The following AP3B1 variants were observed in gnomAD, a reference collection of about 807,000 sequenced individuals.
The protein encoded by AP3B1 is adaptor related protein complex 3 subunit beta 1, also known as AP-3 complex subunit beta-1.
A neutral mutation model predicts 132.5 loss-of-function variants in AP3B1; 61 were observed. The observed-to-expected ratio is 0.46, with a 90% confidence interval of 0.37 to 0.57. AP3B1 has a LOEUF of 0.57. AP3B1 is among the 20% of genes least tolerant of loss of function. AP3B1 has a pLI of 0.00. For missense variants in AP3B1, 1,120 were observed against 1,289.4 expected, an observed-to-expected ratio of 0.87 and a Z score of 2.01; for synonymous variants, 388 against 438.3, an observed-to-expected ratio of 0.89 and a Z score of 1.43.
At chr5:78,219,916 A>T (rs1007120115) in intron 6 of AP3B1, among the ~76,000 whole-genome samples, 5 of 152,160 alleles carry the variant, frequency 3.3e-5, no homozygotes, top group Non-Finnish European at 7.4e-5. Flanking sequence ...CGTAATAATG[A>T]TCCCAAAAAA....
At chr5:78,032,498 C>A (rs913635499) in intron 24 of AP3B1, among the ~76,000 whole-genome samples, 3 of 152,070 alleles carry the variant, frequency 2.0e-5, no homozygotes, top group Admixed American at 2.0e-4. Flanking sequence ...CATCTAAGAC[C>A]AATTGATCTA....
chr5:78,074,768 G>C (rs967355162), intron 22 of AP3B1, among the ~76,000 whole-genome samples: 1 of 152,160 alleles, frequency 6.6e-6, no homozygotes, highest in African/African-American at 2.4e-5. Flanking sequence ...GACCAACATG[G>C]AGAAACCCCA....
At chr5:78,207,777 A>G (rs1745571463) in intron 7 of AP3B1, among the ~76,000 whole-genome samples, 1 of 152,182 alleles carries the variant, frequency 6.6e-6, no homozygotes, top group African/African-American at 2.4e-5. Context: ...CTTCACAGCA[A>G]AATTCATTGC....
chr5:78,026,756 A>C (rs1276158847), intron 24 of AP3B1, among the ~76,000 whole-genome samples: 1 of 152,208 alleles, frequency 6.6e-6, no homozygotes, highest in Non-Finnish European at 1.5e-5. Flanking sequence ...AACAGCATAC[A>C]AGAGTACATG....
At chr5:78,080,023 T>C (rs1218914598) in intron 22 of AP3B1, among the ~76,000 whole-genome samples, 1 of 152,212 alleles carries the variant, frequency 6.6e-6, no homozygotes, top group Non-Finnish European at 1.5e-5. Flanking sequence ...TATTTATTTA[T>C]TTATTTGACA....
chr5:78,206,632 G>A (rs2112460951), intron 7 of AP3B1, among the ~76,000 whole-genome samples: 1 of 151,980 alleles, frequency 6.6e-6, no homozygotes. Context: ...CAATCAAACA[G>A]AAGTTCAAAG....
chr5:78,013,742 T>C (rs976199716), intron 26 of AP3B1, among the ~76,000 whole-genome samples: 6 of 152,262 alleles, frequency 3.9e-5, no homozygotes, highest in African/African-American at 1.4e-4. Flanking sequence ...TTGTTACTCT[T>C]TTCCCTATTG....
At chr5:78,022,312 G>A (rs963874435) in intron 24 of AP3B1, among the ~76,000 whole-genome samples, 1 of 152,124 alleles carries the variant, frequency 6.6e-6, no homozygotes, top group Non-Finnish European at 1.5e-5. Flanking sequence ...ATAATGGAAT[G>A]GCAGGCACTA....
intron 26 of AP3B1, among the ~76,000 whole-genome samples, chr5:78,013,440 A>G (rs1364782946): frequency 2.0e-5 from 3 of 152,220 alleles, no homozygotes; most frequent in African/African-American, 7.2e-5. Flanking sequence ...ACCTATACAC[A>G]AAACAAAACT....
At chr5:78,280,335 G>A (rs1453803633) in intron 1 of AP3B1, among the ~76,000 whole-genome samples, 1 of 152,086 alleles carries the variant, frequency 6.6e-6, no homozygotes, top group Non-Finnish European at 1.5e-5. Context: ...TATTTTCACT[G>A]ACATTACTTT....
At chr5:78,043,713 G>T in intron 22 of AP3B1, 1 of 419,938 alleles carries the variant, frequency 2.4e-6, no homozygotes, top group South Asian at 2.1e-5. Context: ...TGTGCTTTGT[G>T]ATCACAACTA....
chr5:78,075,558 C>G (rs962882905), intron 22 of AP3B1, among the ~76,000 whole-genome samples: 2 of 152,208 alleles, frequency 1.3e-5, no homozygotes, highest in Non-Finnish European at 2.9e-5. Flanking sequence ...TAGCAAAAAT[C>G]CGTAAGACTA....
chr5:78,252,383 A>C (rs959297907), intron 2 of AP3B1, among the ~76,000 whole-genome samples: 3 of 152,164 alleles, frequency 2.0e-5, no homozygotes, highest in African/African-American at 7.2e-5. Flanking sequence ...GTGGGCTCTT[A>C]GCGTCTTCAA....
chr5:78,065,297 G>A (rs538047530), intron 22 of AP3B1, among the ~76,000 whole-genome samples: 4 of 152,282 alleles, frequency 2.6e-5, no homozygotes, highest in East Asian at 1.9e-4. Flanking sequence ...CCTGAGACTC[G>A]TGAGTTCAAG....
At chr5:78,001,448 C>A (rs552885692), downstream of AP3B1, 2 of 152,292 alleles carry the variant, frequency 1.3e-5, no homozygotes, top group African/African-American at 4.8e-5. Flanking sequence ...ACAGAATGTA[C>A]ACATGGTACG....
chr5:78,174,487 G>C (rs965230699), intron 11 of AP3B1, among the ~76,000 whole-genome samples: 3 of 152,216 alleles, frequency 2.0e-5, no homozygotes, highest in Non-Finnish European at 2.9e-5. Flanking sequence ...GTCCACTCCA[G>C]ACCCTGTTTG....
At chr5:78,133,534 G>T (rs1360027320) in intron 15 of AP3B1, among the ~76,000 whole-genome samples, 2 of 152,114 alleles carry the variant, frequency 1.3e-5, no homozygotes, top group African/African-American at 2.4e-5. Context: ...AAACTAGATG[G>T]CATGGAGACA....
chr5:78,008,890 A>G (rs1746502503), intron 26 of AP3B1, among the ~76,000 whole-genome samples: 2 of 152,184 alleles, frequency 1.3e-5, no homozygotes, highest in African/African-American at 4.8e-5. Flanking sequence ...CTAACAAACA[A>G]AAACAGTAAC....
intron 22 of AP3B1, among the ~76,000 whole-genome samples, chr5:78,072,701 T>C (rs1749590279): frequency 6.7e-6 from 1 of 148,226 alleles, no homozygotes; most frequent in Non-Finnish European, 1.5e-5. Flanking sequence ...TAACAATGTG[T>C]CTGATATATT....
Sources: allele counts gnomAD v4.1 joint callset (sites outside exome capture counted in the v4.1 genomes callset), GRCh38; gene constraint gnomAD v4.1.1; transcripts MANE v1.5; gene names NCBI Gene and HGNC (gene_info 2026-07-23, HGNC 2026-07-21).